The following EIF2AK4 variants were observed in gnomAD, a reference collection of about 807,000 sequenced individuals.
EIF2AK4 encodes eukaryotic translation initiation factor 2 alpha kinase 4.
A neutral mutation model predicts 211.1 loss-of-function variants in EIF2AK4; 139 were observed. The ratio of observed to expected loss-of-function variants is 0.66; its 90% CI spans 0.57 to 0.76. The LOEUF is 0.76. Among genes scored for constraint, EIF2AK4 ranks in the 30% least tolerant of loss-of-function variants. The probability of loss-of-function intolerance (pLI) is 0.00; values close to 1 mark genes in which losing one functional copy is unlikely to be tolerated. For missense variants in EIF2AK4, 1,664 were observed against 2,043.8 expected (o/e 0.81, Z 3.58); for synonymous variants, 710 against 751.3 (o/e 0.94, Z 0.90).
At chr15:40,016,457 C>A in intron 27 of EIF2AK4, 45 bp from the exon 28 acceptor site, 8 of 1,612,176 alleles carry the variant, frequency 5.0e-6, no homozygotes, top group Non-Finnish European at 6.8e-6. Flanking sequence ...AGGGAGTCTT[C>A]CCCTGCTGTG....
intron 14 of EIF2AK4, 116 bp downstream of exon 14, chr15:39,986,004 A>C: frequency 1.2e-6 from 1 of 837,176 alleles, no homozygotes; most frequent in Non-Finnish European, 1.9e-6. Flanking sequence ...CCACTACCAA[A>C]GATTAATTGG....
At chr15:39,965,610 T>C in intron 7 of EIF2AK4, 76 bp from the exon 8 acceptor site, 1 of 1,536,014 alleles carries the variant, frequency 6.5e-7, no homozygotes, top group Non-Finnish European at 8.9e-7. Context: ...AAAGAATGTG[T>C]ATTACCCCCT....
At chr15:39,978,182 C>G in intron 13 of EIF2AK4, 35 bp downstream of exon 13, 1 of 1,260,586 alleles carries the variant, frequency 7.9e-7, no homozygotes, top group East Asian at 2.4e-5. Flanking sequence ...TCATTTTATT[C>G]GTGATATAAT....
intron 18 of EIF2AK4, among the ~76,000 whole-genome samples, chr15:39,996,165 C>G (rs2060440454): frequency 6.6e-6 from 1 of 152,162 alleles, no homozygotes; most frequent in South Asian, 2.1e-4. Context: ...GCAGGTTCAT[C>G]TATGTTGTCA....
At position 40,032,163 on chromosome 15, in the gene EIF2AK4, A is replaced by G. The variant is rs200576524; in HGVS notation, c.4660-6A>G. 5.6e-6 allele frequency: 9 copies of G among 1,611,958 alleles called. No homozygotes were observed. The highest frequency in any genetic ancestry group is 1.3e-5 in the African/African-American group (1 of 74,880). Reference sequence around the variant, plus strand: ...ATGTTCTGAATTCCATTTTCTTACTATTTAGGTACAAACTCGACTTCAGAC... The same window carrying G: ...ATGTTCTGAATTCCATTTTCTTACTGTTTAGGTACAAACTCGACTTCAGAC... On this transcript the variant is annotated splice_region_variant and splice_polypyrimidine_tract_variant and intron_variant, in intron 35 of 38. Transcript: ENST00000263791.
intron 1 of EIF2AK4, among the ~76,000 whole-genome samples, chr15:39,935,240 A>G (rs969124678): frequency 6.6e-6 from 1 of 152,180 alleles, no homozygotes; most frequent in African/African-American, 2.4e-5. Context: ...AAGTATTTAT[A>G]CTGACAGTTT....
intron 33 of EIF2AK4, 144 bp from the exon 34 acceptor site, chr15:40,029,262 G>A (rs2035506472): frequency 7.3e-7 from 1 of 1,368,336 alleles, no homozygotes; most frequent in African/African-American, 1.5e-5. Context: ...CAAATTTTTT[G>A]TTTTTGTTTT....
At chr15:39,942,882 C>T (rs2034166411) in intron 2 of EIF2AK4, among the ~76,000 whole-genome samples, 1 of 152,192 alleles carries the variant, frequency 6.6e-6, no homozygotes, top group Non-Finnish European at 1.5e-5. Context: ...TATGCTAGAG[C>T]ACACCTGAAT....
chr15:39,977,832 T>C (rs2034722417), intron 12 of EIF2AK4: 1 of 301,086 alleles, frequency 3.3e-6, no homozygotes, highest in African/African-American at 2.1e-5. Context: ...GGATACAGTT[T>C]ATGATTACTC....
At chr15:40,018,462 A>G (rs944759910) in intron 29 of EIF2AK4, among the ~76,000 whole-genome samples, 1 of 149,704 alleles carries the variant, frequency 6.7e-6, no homozygotes, top group African/African-American at 2.5e-5. Context: ...TCAGTCTCAC[A>G]CTCTTTTTTC....
At chr15:39,956,547 C>G (rs1210148320) in intron 6 of EIF2AK4, among the ~76,000 whole-genome samples, 1 of 152,178 alleles carries the variant, frequency 6.6e-6, no homozygotes, top group Non-Finnish European at 1.5e-5. Flanking sequence ...GGGGTCCCCT[C>G]CCTAATACTG....
At position 39,992,832 on chromosome 15, in the gene EIF2AK4, A is replaced by C. The variant is rs778926793; in HGVS notation, c.2750A>C (p.Lys917Thr). The C allele has an allele frequency of 6.2e-7, 1 of 1,614,168 alleles. No individual in the cohort carries two copies. The highest frequency in any genetic ancestry group is 2.2e-5 in the East Asian group (1 of 44,882). ...AGCCCAGAGGTCCAAGGAAGCACCA[A>C]ATCTGCATACAACCAGGTAAGAGGT... Reference protein sequence around the residue: ...YVSPEVQGSTKSAYNQKVDLF... With the variant: ...YVSPEVQGSTTSAYNQKVDLF... The change falls in exon 18 of 39, where the codon AAA (lysine) becomes ACA (threonine). Residue 917 changes from lysine to threonine, a missense_variant. By Grantham distance (78) the Lys-to-Thr change is moderately conservative (BLOSUM62 -1). This residue lies in a region of EIF2AK4 where 622 missense variants were observed against 796.8 expected (regional missense o/e 0.78). Coordinates refer to ENST00000263791, the MANE Select transcript of EIF2AK4 (RefSeq NM_001013703.4).
intron 2 of EIF2AK4, 142 bp downstream of exon 2, chr15:39,939,759 A>T: frequency 1.7e-6 from 1 of 576,462 alleles, no homozygotes. Flanking sequence ...ACAAAACTAC[A>T]TCAGCAATAG....
chr15:40,024,680 G>A (rs1163799518), intron 32 of EIF2AK4, among the ~76,000 whole-genome samples: 1 of 149,146 alleles, frequency 6.7e-6, no homozygotes, highest in African/African-American at 2.5e-5. Flanking sequence ...TTAGAGGCGT[G>A]AGCCACTGCG....
intron 2 of EIF2AK4, among the ~76,000 whole-genome samples, chr15:39,941,853 C>G (rs954561780): frequency 1.3e-5 from 2 of 152,170 alleles, no homozygotes; most frequent in African/African-American, 4.8e-5. Context: ...GGGCCAAAAT[C>G]ACCCCTGGTT....
At chr15:40,010,460 A>G (rs760032682) in intron 26 of EIF2AK4, among the ~76,000 whole-genome samples, 4 of 152,174 alleles carry the variant, frequency 2.6e-5, no homozygotes, top group Non-Finnish European at 5.9e-5. Flanking sequence ...TTTATAGTAT[A>G]TGTGCGGGTA....
chr15:40,009,500 A>G, intron 25 of EIF2AK4, 114 bp from the exon 26 acceptor site: 1 of 650,270 alleles, frequency 1.5e-6, no homozygotes, highest in African/African-American at 1.8e-5. Context: ...GCCATATGCT[A>G]AATTCAATCC....
intron 15 of EIF2AK4, among the ~76,000 whole-genome samples, chr15:39,988,313 A>G (rs932000408): frequency 2.0e-5 from 3 of 152,246 alleles, no homozygotes; most frequent in Non-Finnish European, 4.4e-5. Flanking sequence ...AAAAAATGTT[A>G]AGAAAACTTT....
At chr15:40,025,750 G>T (rs958408341) in intron 32 of EIF2AK4, among the ~76,000 whole-genome samples, 1 of 152,260 alleles carries the variant, frequency 6.6e-6, no homozygotes, top group African/African-American at 2.4e-5. Flanking sequence ...TGTTGTAGGG[G>T]GCTGTCCTGT....
Sources: gnomAD v4.1 joint callset for allele counts (sites outside exome capture counted in the v4.1 genomes callset) on GRCh38, gnomAD v4.1.1 for gene constraint, gnomAD v4.1.1 regional missense constraint, MANE v1.5 for transcripts, NCBI Gene and HGNC (gene_info 2026-07-23, HGNC 2026-07-21) for gene names.